FERMT1: variants seen among roughly 807,000 people sequenced by gnomAD.
FERMT1 encodes FERM domain containing kindlin 1, also known as fermitin family homolog 1.
Under a neutral mutation model 85.3 loss-of-function variants are expected in FERMT1, and 60 were observed. The ratio of observed to expected loss-of-function variants is 0.70; its 90% CI spans 0.57 to 0.87. The LOEUF is 0.87. Among genes scored for constraint, FERMT1 ranks in the 40% least tolerant of loss-of-function variants. The pLI is 0.00. For missense variants in FERMT1, 701 were observed against 818.9 expected, an observed-to-expected ratio of 0.86 and a Z score of 1.76; for synonymous variants, 275 against 301.1, an observed-to-expected ratio of 0.91 and a Z score of 0.90.
intron 6 of FERMT1, among the ~76,000 whole-genome samples, chr20:6,103,048 T>C (rs1171198532): frequency 2.6e-5 from 4 of 152,196 alleles, no homozygotes; most frequent in Non-Finnish European, 5.9e-5. Flanking sequence ...AATGTGTGTT[T>C]TTTTAATTCA....
At chr20:6,094,914 C>G in intron 9 of FERMT1, 25 bp downstream of exon 9, 6 of 1,302,668 alleles carry the variant, frequency 4.6e-6, no homozygotes, top group Non-Finnish European at 6.7e-6. Flanking sequence ...TGAGTAACTC[C>G]TTTTCCCCAT....
chr20:6,095,581 C>A (rs1982478288), intron 8 of FERMT1, among the ~76,000 whole-genome samples: 1 of 152,190 alleles, frequency 6.6e-6, no homozygotes. Flanking sequence ...TGTTTTCAAA[C>A]TGAAAAGCCT....
intron 3 of FERMT1, among the ~76,000 whole-genome samples, chr20:6,114,049 G>A (rs185620640): frequency 6.6e-6 from 1 of 152,274 alleles, no homozygotes; most frequent in African/African-American, 2.4e-5. Flanking sequence ...TTTGTTGAAG[G>A]TAAGTGCACT....
rs1190795335 is a variant in FERMT1 at position 6,122,863 on chromosome 20, G to A, written c.-108C>T. ...AAACTACCCCGGGCCGAGCCGAGGA[G>A]CGGGCGCTGGCGAAGTGGGGAGCGG... On this transcript the variant is annotated 5_prime_UTR_variant, in exon 1 of 15. Coordinates refer to ENST00000217289, the MANE Select transcript of FERMT1 (RefSeq NM_017671.5). The A allele has an allele frequency of 1.3e-5, 2 of 152,588 alleles. No homozygotes were observed. Among genetic ancestry groups the A allele is most frequent in the Non-Finnish European group, 2.9e-5 (2 of 68,380 alleles). The allele number at this position is 152,588 out of a possible 1,614,324, so 9.5% of individuals were successfully genotyped here.
At chr20:6,113,637 A>C (rs1983021241) in intron 3 of FERMT1, among the ~76,000 whole-genome samples, 1 of 152,120 alleles carries the variant, frequency 6.6e-6, no homozygotes, top group Non-Finnish European at 1.5e-5. Context: ...TCTGCACTGC[A>C]ACAGCCCACA....
Position 6,112,624 on chromosome 20 carries a change from C to T in FERMT1, c.386-1G>A. The T allele has an allele frequency of 6.5e-7, 1 of 1,529,864 alleles. No homozygotes were observed. Among genetic ancestry groups the T allele is most frequent in the Non-Finnish European group, 8.8e-7 (1 of 1,132,488 alleles). The allele number at this position is 1,529,864 out of a possible 1,614,324, so 94.8% of individuals were successfully genotyped here. A position where few individuals can be genotyped will look rare whatever the true frequency, so the allele number is the denominator to read the frequency against. On this transcript the variant is annotated splice_acceptor_variant, in intron 3 of 14. Coordinates refer to ENST00000217289, the MANE Select transcript of FERMT1 (RefSeq NM_017671.5). LOFTEE classifies it high-confidence loss of function. ...GAAAGCTCTTCTGATCTTCTAATAT[C>T]TAGAAATAAATATTTTTTAAAAATG...
In FERMT1 at chr20:6,077,323, G is replaced by A. The variant is rs2232083; in HGVS notation, c.1884C>T (p.Asn628=). The A allele has an allele frequency of 8.7e-3, 13,994 of 1,614,136 alleles. 94 individuals are homozygous for A. Among genetic ancestry groups the A allele is most frequent in the Non-Finnish European group, 9.1e-3 (10,749 of 1,180,008 alleles). The change falls in exon 15 of 15, where the codon AAC becomes AAT. Residue 628 remains asparagine (N), a synonymous_variant. Transcript: ENST00000217289. ...TCAGGCAGGTGAAAGCAGTAAAGAC[G>A]TTTTGGTCAAACTCGATGACCACCT... ...TRQVVIEFDQ[N]VFTAFTCLSA...
At chr20:6,115,764 G>A (rs777604663) in intron 3 of FERMT1, 47 bp downstream of exon 3, 3 of 1,388,498 alleles carry the variant, frequency 2.2e-6, no homozygotes, top group Non-Finnish European at 3.1e-6. Context: ...TTCCTGTCTA[G>A]CTTTGCAAGA....
chr20:6,093,780 A>T (rs1377672152), intron 9 of FERMT1, among the ~76,000 whole-genome samples: 2 of 152,174 alleles, frequency 1.3e-5, no homozygotes, highest in Non-Finnish European at 2.9e-5. Flanking sequence ...AACATGGTGA[A>T]ATCCTGTCTC....
rs558496408 is a variant in FERMT1 at position 6,120,201 on chromosome 20, TTATAA to T, written c.-18-634_-18-630del. ...AGCAAAATAATTCCTATTTCAGTCA[TTATAA>T]TATATAGTTTTACCTTAAATACATA... On this transcript the variant is annotated intron_variant, in intron 1 of 14. Coordinates refer to ENST00000217289, the MANE Select transcript of FERMT1 (RefSeq NM_017671.5). Among the ~76,000 whole-genome samples the T allele has an allele frequency of 2.5e-4, 38 of 152,150 alleles. 1 individual carries two copies. The highest frequency in any genetic ancestry group is 5.0e-4 in the Non-Finnish European group (34 of 68,024).
chr20:6,078,823 G>A (rs1035450293), intron 14 of FERMT1, among the ~76,000 whole-genome samples: 1 of 152,142 alleles, frequency 6.6e-6, no homozygotes, highest in African/African-American at 2.4e-5. Context: ...AATTTTCCAT[G>A]ATACAGGCTT....
At chr20:6,116,612 C>T (rs1402709963) in intron 2 of FERMT1, among the ~76,000 whole-genome samples, 1 of 151,610 alleles carries the variant, frequency 6.6e-6, no homozygotes, top group Non-Finnish European at 1.5e-5. Flanking sequence ...CCTGTTAATC[C>T]CAGCTACTCC....
intron 3 of FERMT1, among the ~76,000 whole-genome samples, chr20:6,113,102 G>T (rs62200496): frequency 0.1 from 15,823 of 152,070 alleles, 881 homozygotes; most frequent in African/African-American, 0.14. Flanking sequence ...AATCATGGGG[G>T]CAGGTCTTTC....
intron 9 of FERMT1, chr20:6,094,109 T>C (rs1982438189): frequency 6.6e-6 from 1 of 152,280 alleles, no homozygotes. Flanking sequence ...ACCGGCTTCA[T>C]TGCTCATTCT....
rs1335105696 is a variant in FERMT1 at position 6,085,191 on chromosome 20, G to A, written c.1468C>T (p.Leu490Phe). 3.7e-6 allele frequency: 6 copies of A among 1,614,070 alleles called. No individual in the cohort carries two copies. The highest frequency in any genetic ancestry group is 5.1e-6 in the Non-Finnish European group (6 of 1,180,044). The change falls in exon 12 of 15, where the codon CTT becomes TTT. Residue 490 changes from leucine to phenylalanine, a missense_variant. Transcript: ENST00000217289. ...SSYQPEVLNI[L>F]SFLRMKNRNS... ...CTGTTTTTCATCCTCAGAAATGAAAGGATGTTGAGGACCTCTGGCTGGTAG... is the reference window on the plus strand; with the variant it reads ...CTGTTTTTCATCCTCAGAAATGAAAAGATGTTGAGGACCTCTGGCTGGTAG...
At chr20:6,088,658 T>C (rs1196152748) in intron 10 of FERMT1, among the ~76,000 whole-genome samples, 1 of 144,468 alleles carries the variant, frequency 6.9e-6, no homozygotes, top group Non-Finnish European at 1.5e-5. Flanking sequence ...AGACAGAGTC[T>C]CACTCTATCA....
intron 9 of FERMT1, among the ~76,000 whole-genome samples, chr20:6,091,585 AT>A (rs1264128613): frequency 6.6e-6 from 1 of 152,182 alleles, no homozygotes; most frequent in Non-Finnish European, 1.5e-5. Context: ...AATGAATAGT[AT>A]TTTCAGAATA....
At chr20:6,081,435 G>T (rs1416432207) in intron 13 of FERMT1, among the ~76,000 whole-genome samples, 1 of 152,156 alleles carries the variant, frequency 6.6e-6, no homozygotes, top group East Asian at 1.9e-4. Flanking sequence ...TTGGCAAAGG[G>T]TAAGGGGTGA....
At chr20:6,111,192 G>C (rs1982938550) in intron 4 of FERMT1, among the ~76,000 whole-genome samples, 1 of 152,208 alleles carries the variant, frequency 6.6e-6, no homozygotes, top group African/African-American at 2.4e-5. Flanking sequence ...CTCATAGAAT[G>C]CATGTACCCA....
Sources: allele counts gnomAD v4.1 joint callset (sites outside exome capture counted in the v4.1 genomes callset), GRCh38; gene constraint gnomAD v4.1.1; transcripts MANE v1.5; gene names NCBI Gene and HGNC (gene_info 2026-07-23, HGNC 2026-07-21).